TMEM30A: variants seen among roughly 807,000 people sequenced by gnomAD.
TMEM30A encodes cell cycle control protein 50A.
In TMEM30A, 24 loss-of-function variants were observed where a neutral mutation model predicts 38.2. The ratio of observed to expected loss-of-function variants is 0.63; its 90% CI spans 0.46 to 0.88. The LOEUF is 0.88. Ranked by LOEUF, TMEM30A falls within the 40% of genes least tolerant of loss-of-function variation. TMEM30A has a pLI of 0.00. For missense variants in TMEM30A, 370 were observed against 458.6 expected, an observed-to-expected ratio of 0.81 and a Z score of 1.77; for synonymous variants, 145 against 161.6, an observed-to-expected ratio of 0.90 and a Z score of 0.78.
rs1201185228 is a variant in TMEM30A at position 75,265,171 on chromosome 6, C to T, written c.453+60G>A. On this transcript the variant is annotated intron_variant, in intron 3 of 6. Transcript: ENST00000230461. ...TTTCATCCTAACAATTCTAACTGAA[C>T]AGTTACTACATATTCTTATTTTACA... 6 of 1,013,248 alleles carry T rather than the reference C, an allele frequency of 5.9e-6. No individual in the cohort carries two copies. The East Asian group carries it at 1.7e-4, about 28-fold the overall frequency. 62.8% of individuals were successfully genotyped at this position (1,013,248 alleles called of 1,614,324 possible).
chr6:75,262,900 G>A (rs147966974), intron 3 of TMEM30A, among the ~76,000 whole-genome samples: 257 of 152,330 alleles, frequency 1.7e-3, no homozygotes, highest in African/African-American at 5.9e-3. Flanking sequence ...GTGCAAGCAC[G>A]AGCCAGGCAC....
intron 1 of TMEM30A, among the ~76,000 whole-genome samples, chr6:75,268,555 G>T (rs1235958896): frequency 1.3e-5 from 2 of 152,164 alleles, no homozygotes; most frequent in Non-Finnish European, 2.9e-5. Flanking sequence ...TGCTGGGAGG[G>T]TAATGTGCTC....
At chr6:75,259,952 A>G (rs953596188) in intron 4 of TMEM30A, among the ~76,000 whole-genome samples, 4 of 152,198 alleles carry the variant, frequency 2.6e-5, no homozygotes, top group African/African-American at 9.6e-5. Context: ...TCAGATATCA[A>G]AGACTTAGTA....
chr6:75,284,420 G>C lies in TMEM30A; in HGVS notation c.219C>G (p.Asn73Lys). ...CCCTCACCTCGATCTCGCGGATGTT[G>C]TTGGAGGTGACAAAAATGCCAATGC... ...PIGIGIFVTSNNIREIEIDYT... is the reference protein window; with the variant it reads ...PIGIGIFVTSKNIREIEIDYT... The change falls in exon 1 of 7, where the codon AAC (asparagine) becomes AAG (lysine). Residue 73 changes from asparagine (N) to lysine (K), a missense_variant. Transcript: ENST00000230461. 6.2e-7 allele frequency: 1 copy of C among 1,614,134 alleles called. No individual in the cohort carries two copies. The highest frequency in any genetic ancestry group is 8.5e-7 in the Non-Finnish European group (1 of 1,179,998).
Position 75,264,430 on chromosome 6 carries a change from A to G in TMEM30A, c.453+801T>C, listed in dbSNP as rs79373419. ...GAGGGCAGATCACCTGAAGTCCAGA[A>G]TTTGAGACCAGTCTGGCCAGCGTGG... On this transcript the variant is annotated intron_variant, in intron 3 of 6. Coordinates refer to ENST00000230461, the MANE Select transcript of TMEM30A (RefSeq NM_018247.4). Among the ~76,000 whole-genome samples the G allele has an allele frequency of 7.9e-3, 1,196 of 151,912 alleles. 15 individuals carry two copies. Among genetic ancestry groups the G allele is most frequent in the African/African-American group, 0.028 (1,144 of 41,404 alleles).
chr6:75,258,744 C>G, intron 6 of TMEM30A, 36 bp downstream of exon 6: 1 of 1,591,256 alleles, frequency 6.3e-7, no homozygotes, highest in Non-Finnish European at 8.6e-7. Context: ...TCCTTTCAAG[C>G]TCTATGAATC....
intron 6 of TMEM30A, 25 bp from the exon 7 acceptor site, chr6:75,256,320 T>C (rs762140351): frequency 6.4e-7 from 1 of 1,566,116 alleles, no homozygotes; most frequent in South Asian, 1.2e-5. Context: ...GGAAGATTTT[T>C]CCATCTCTGG....
At chr6:75,259,796 C>T (rs998760179) in intron 4 of TMEM30A, among the ~76,000 whole-genome samples, 3 of 152,116 alleles carry the variant, frequency 2.0e-5, no homozygotes, top group African/African-American at 7.2e-5. Flanking sequence ...CATTTCCTTC[C>T]TTCCAATAAT....
At chr6:75,267,859 G>T in intron 1 of TMEM30A, 111 bp from the exon 2 acceptor site, 3 of 616,224 alleles carry the variant, frequency 4.9e-6, no homozygotes, top group Non-Finnish European at 7.9e-6. Flanking sequence ...ATGACCTAGA[G>T]CTCAGACAAA....
In TMEM30A at chr6:75,254,535, A is replaced by G. The variant is rs1371179654; in HGVS notation, c.*1567T>C. 1 of 152,178 alleles carries G rather than the reference A, an allele frequency of 6.6e-6. No individual in the cohort carries two copies. Among genetic ancestry groups the G allele is most frequent in the African/African-American group, 2.4e-5 (1 of 41,460 alleles). The allele number at this position is 152,178 out of a possible 1,614,324, so 9.4% of individuals were successfully genotyped here. On this transcript the variant is annotated 3_prime_UTR_variant, in exon 7 of 7. Coordinates refer to ENST00000230461, the MANE Select transcript of TMEM30A (RefSeq NM_018247.4). ...ACACACATTCTTTTAACTGAATTTC[A>G]TATGTTATATAAAACTTGAAAAGTG...
At chr6:75,277,672 T>C (rs547033550) in intron 1 of TMEM30A, among the ~76,000 whole-genome samples, 56 of 152,142 alleles carry the variant, frequency 3.7e-4, no homozygotes, top group African/African-American at 1.3e-3. Context: ...TGGGAGGACA[T>C]GGCAAGAGGA....
Position 75,255,577 on chromosome 6 carries a change from A to C in TMEM30A, c.*525T>G, listed in dbSNP as rs530859619. ...TGTACTGGATAAACTGGATACATGAACCACCTCAACAAAGATGGTACTTTA... is the reference window on the plus strand; with the variant it reads ...TGTACTGGATAAACTGGATACATGACCCACCTCAACAAAGATGGTACTTTA... On this transcript the variant is annotated 3_prime_UTR_variant, in exon 7 of 7. Transcript: ENST00000230461. 6.5e-6 allele frequency: 1 copy of C among 152,820 alleles called. No individual in the cohort carries two copies. The highest frequency in any genetic ancestry group is 1.9e-4 in the East Asian group (1 of 5,188). 9.5% of individuals were successfully genotyped at this position (152,820 alleles called of 1,614,324 possible).
rs766923116 is a variant in TMEM30A at position 75,256,758 on chromosome 6, G to A, written c.893-463C>T. ...TTATGAGACTATGAAAAGGCTCTGA[G>A]CAAAAGATCAAAAAGCATGGTAATA... On this transcript the variant is annotated intron_variant, in intron 6 of 6. Transcript: ENST00000230461. The A allele has an allele frequency of 8.2e-6, 4 of 486,446 alleles. 1 individual carries two copies. Among genetic ancestry groups the A allele is most frequent in the Admixed American group, 4.3e-5 (2 of 46,448 alleles). 30.1% of individuals were successfully genotyped at this position (486,446 alleles called of 1,614,324 possible).
At chr6:75,270,507 A>C (rs1582281668) in intron 1 of TMEM30A, among the ~76,000 whole-genome samples, 1 of 152,134 alleles carries the variant, frequency 6.6e-6, no homozygotes, top group Non-Finnish European at 1.5e-5. Context: ...AGGAAAAAAG[A>C]CCACAGCTCT....
At position 75,255,244 on chromosome 6, in the gene TMEM30A, C is replaced by T. The variant is rs1340960511; in HGVS notation, c.*858G>A. 6.6e-6 allele frequency: 1 copy of T among 152,516 alleles called. No homozygotes were observed. Among genetic ancestry groups the T allele is most frequent in the Non-Finnish European group, 1.5e-5 (1 of 67,980 alleles). 9.4% of individuals were successfully genotyped at this position (152,516 alleles called of 1,614,324 possible). Reference sequence around the variant, plus strand: ...ATGTTAAATATCACAAGAATGAAAACAGTCTCCATTAAGCACTTACATGTG... The same window carrying T: ...ATGTTAAATATCACAAGAATGAAAATAGTCTCCATTAAGCACTTACATGTG... On this transcript the variant is annotated 3_prime_UTR_variant, in exon 7 of 7. Coordinates refer to ENST00000230461, the MANE Select transcript of TMEM30A (RefSeq NM_018247.4).
intron 1 of TMEM30A, among the ~76,000 whole-genome samples, chr6:75,278,340 T>A (rs1333180744): frequency 6.6e-6 from 1 of 152,206 alleles, no homozygotes; most frequent in Non-Finnish European, 1.5e-5. Context: ...TTTTTCACAA[T>A]ACAAAACTCT....
At position 75,258,915 on chromosome 6, in the gene TMEM30A, T is replaced by C. The variant is rs1463297373; in HGVS notation, c.757A>G (p.Ile253Val). 1 of 1,614,008 alleles carries C rather than the reference T, an allele frequency of 6.2e-7. No homozygotes were observed. The highest frequency in any genetic ancestry group is 2.2e-5 in the East Asian group (1 of 44,860). Residue 253 changes from isoleucine (I) to valine (V), a missense_variant, in exon 6 of 7, where the codon ATA (isoleucine) becomes GTA (valine). Transcript: ENST00000230461. ...LDSDPDNNGF[I>V]NEDFIVWMRT... ...ATCCAAACAATAAAATCCTCATTTA[T>C]GAATCCATTATTATCTGGGTCAGAA...
At chr6:75,261,386 T>C (rs569958378) in intron 3 of TMEM30A, among the ~76,000 whole-genome samples, 3 of 152,284 alleles carry the variant, frequency 2.0e-5, no homozygotes, top group African/African-American at 7.2e-5. Context: ...AATTTTGTGA[T>C]TTGGGGTTAA....
rs767828579 is a variant in TMEM30A at position 75,265,341 on chromosome 6, A to G, written c.346-3T>C. On this transcript the variant is annotated splice_region_variant and splice_polypyrimidine_tract_variant and intron_variant, in intron 2 of 6. Coordinates refer to ENST00000230461, the MANE Select transcript of TMEM30A (RefSeq NM_018247.4). The stretch of plus-strand genomic sequence containing the variant: ...CCATAATACATAAACACGTTGCCCT[A>G]GAGAAACAGAGAGGGAAAAAATTTT... 6.5e-7 allele frequency: 1 copy of G among 1,549,312 alleles called. No individual in the cohort carries two copies. Among genetic ancestry groups the G allele is most frequent in the South Asian group, 1.2e-5 (1 of 84,288 alleles).
Sources: gnomAD v4.1 joint callset for allele counts (sites outside exome capture counted in the v4.1 genomes callset) on GRCh38, gnomAD v4.1.1 for gene constraint, MANE v1.5 for transcripts, NCBI Gene and HGNC (gene_info 2026-07-23, HGNC 2026-07-21) for gene names.